Variants in NRXN3 observed in about 807,000 individuals in gnomAD.
NRXN3 encodes neurexin III.
In NRXN3, 32 loss-of-function variants were observed where a neutral mutation model predicts 137.6. That is an observed-to-expected ratio of 0.23 (90% CI 0.18 to 0.31). The LOEUF (loss-of-function observed/expected upper bound fraction) is 0.31. Ranked by LOEUF, NRXN3 falls within the 10% of genes least tolerant of loss-of-function variation. The pLI is 1.00. For synonymous variants in NRXN3, 798 were observed against 784.5 expected, an observed-to-expected ratio of 1.02 and a Z score of -0.29; for missense variants, 1,574 against 2,062.5, an observed-to-expected ratio of 0.76 and a Z score of 4.59.
Position 79,264,553 on chromosome 14 carries a change from T to TGC in NRXN3, c.3263-202667_3263-202666insCG, listed in dbSNP as rs2078154619. On this transcript the variant is annotated intron_variant, in intron 15 of 20. Transcript: ENST00000335750. ...GTGTGTGTGTGTGTGTGTGTGTGTG[T>TGC]GTGTGCGCGCGTGCATGTATGTCCC... Among the ~76,000 whole-genome samples, 3 of 149,430 alleles carry TGC rather than the reference T, an allele frequency of 2.0e-5. No individual in the cohort carries two copies. In the South Asian group the frequency reaches 6.6e-4, roughly 33 times the overall value.
At chr14:79,703,052 G>T (rs2098761515) in intron 19 of NRXN3, among the ~76,000 whole-genome samples, 1 of 151,998 alleles carries the variant, frequency 6.6e-6, no homozygotes, top group Non-Finnish European at 1.5e-5. Context: ...CCTTGACATT[G>T]GCAACTGCTG....
chr14:79,424,747 G>A (rs1167997624), intron 15 of NRXN3, among the ~76,000 whole-genome samples: 1 of 152,026 alleles, frequency 6.6e-6, no homozygotes, highest in East Asian at 1.9e-4. Context: ...TTTACAAAGG[G>A]GTATGTAAAA....
At chr14:78,259,005 G>A (rs2070185172) in intron 2 of NRXN3, among the ~76,000 whole-genome samples, 1 of 151,940 alleles carries the variant, frequency 6.6e-6, no homozygotes, top group Admixed American at 6.6e-5. Flanking sequence ...GGTGGCGGGT[G>A]CCTGTAATCC....
At chr14:79,844,046 C>T (rs1021673301) in intron 20 of NRXN3, among the ~76,000 whole-genome samples, 1 of 152,056 alleles carries the variant, frequency 6.6e-6, no homozygotes, top group Non-Finnish European at 1.5e-5. Context: ...AATGGCCTCG[C>T]ACTCCATCCA....
At chr14:78,774,948 G>T (rs2098740288) in intron 8 of NRXN3, among the ~76,000 whole-genome samples, 1 of 151,762 alleles carries the variant, frequency 6.6e-6, no homozygotes, top group Non-Finnish European at 1.5e-5. Flanking sequence ...AAAAATAGAG[G>T]TTAAATAACT....
chr14:78,794,674 T>C (rs2098815871), intron 8 of NRXN3, among the ~76,000 whole-genome samples: 1 of 151,960 alleles, frequency 6.6e-6, no homozygotes. Context: ...CCTAGAAATA[T>C]GCCTCTCTAC....
At chr14:78,418,671 A>G (rs2093281967) in intron 4 of NRXN3, among the ~76,000 whole-genome samples, 1 of 152,166 alleles carries the variant, frequency 6.6e-6, no homozygotes, top group African/African-American at 2.4e-5. Context: ...ATTTTCTTAC[A>G]TCCTTTTATT....
chr14:79,538,297 T>A (rs1258738996), intron 16 of NRXN3, among the ~76,000 whole-genome samples: 1 of 152,338 alleles, frequency 6.6e-6, no homozygotes, highest in Non-Finnish European at 1.5e-5. Flanking sequence ...TTTAGTTTAA[T>A]TAGATCCCAT....
intron 18 of NRXN3, among the ~76,000 whole-genome samples, chr14:79,693,479 AAAGTCCCTT>A (rs1266628642): frequency 6.6e-6 from 1 of 152,010 alleles, no homozygotes; most frequent in South Asian, 2.1e-4. Flanking sequence ...ATCAGCTCAT[AAAGTCCCTT>A]TAACATTAAA....
Position 79,092,223 on chromosome 14 carries a change from A to G in NRXN3, c.3262+104082A>G, listed in dbSNP as rs538991055. ...GGATCACAGTTGACTATTAGGATACAGGACTATTCTTTTCAGCAGAACTAA... is the reference window on the plus strand; with the variant it reads ...GGATCACAGTTGACTATTAGGATACGGGACTATTCTTTTCAGCAGAACTAA... On this transcript the variant is annotated intron_variant, in intron 15 of 20. Transcript: ENST00000335750. Among the ~76,000 whole-genome samples the G allele has an allele frequency of 2.0e-5, 3 of 152,352 alleles. No individual in the cohort carries two copies. In the East Asian group the frequency reaches 5.8e-4, roughly 29 times the overall value.
intron 10 of NRXN3, among the ~76,000 whole-genome samples, chr14:78,827,548 G>A (rs2098970386): frequency 6.6e-6 from 1 of 152,234 alleles, no homozygotes; most frequent in Non-Finnish European, 1.5e-5. Flanking sequence ...TTGGTTTCAA[G>A]TTAATCAGTG....
chr14:78,502,594 C>T (rs2095900240), intron 4 of NRXN3, among the ~76,000 whole-genome samples: 1 of 152,150 alleles, frequency 6.6e-6, no homozygotes, highest in Admixed American at 6.5e-5. Context: ...AATAATTTTA[C>T]ATTTGTTATA....
intron 15 of NRXN3, among the ~76,000 whole-genome samples, chr14:79,026,382 T>C (rs955894622): frequency 6.6e-6 from 1 of 152,106 alleles, no homozygotes; most frequent in African/African-American, 2.4e-5. Context: ...CACTGCCTCT[T>C]AGAGTTACTG....
At chr14:79,789,535 A>G (rs542058276) in intron 19 of NRXN3, among the ~76,000 whole-genome samples, 3 of 152,244 alleles carry the variant, frequency 2.0e-5, no homozygotes, top group Admixed American at 2.0e-4. Context: ...CTAGTTGCTC[A>G]TTTGTATGGT....
Position 78,427,852 on chromosome 14 carries a change from G to A in NRXN3, c.757+129992G>A, listed in dbSNP as rs1431640323. Among the ~76,000 whole-genome samples the A allele has an allele frequency of 8.5e-5, 13 of 152,322 alleles. No homozygotes were observed. The East Asian group carries it at 1.7e-3, about 20-fold the overall frequency. On this transcript the variant is annotated intron_variant, in intron 4 of 20. Coordinates refer to ENST00000335750, the MANE Select transcript of NRXN3 (RefSeq NM_001330195.2). ...TTTTCCCACCTCTACCCATTAGCCAGAGGCATTTCCTGACCTTCCACTGAA... is the reference window on the plus strand; with the variant it reads ...TTTTCCCACCTCTACCCATTAGCCAAAGGCATTTCCTGACCTTCCACTGAA...
intron 5 of NRXN3, among the ~76,000 whole-genome samples, chr14:78,650,725 CA>C (rs1274788691): frequency 6.6e-6 from 1 of 151,960 alleles, no homozygotes; most frequent in Non-Finnish European, 1.5e-5. Context: ...ATAAAACCAT[CA>C]ACAACCAAAG....
chr14:79,534,421 C>T (rs2097194445), intron 16 of NRXN3, among the ~76,000 whole-genome samples: 1 of 152,174 alleles, frequency 6.6e-6, no homozygotes, highest in African/African-American at 2.4e-5. Context: ...AAGCATCCAA[C>T]ACAGTGTCTG....
chr14:78,377,775 C>T (rs889558962), intron 4 of NRXN3, among the ~76,000 whole-genome samples: 3 of 152,238 alleles, frequency 2.0e-5, no homozygotes, highest in East Asian at 3.9e-4. Context: ...TACTGGTCAC[C>T]CTGATCACCT....
chr14:79,584,567 A>G (rs74068091), intron 16 of NRXN3, among the ~76,000 whole-genome samples: 2,900 of 152,302 alleles, frequency 0.019, 106 homozygotes, highest in African/African-American at 0.067. Context: ...TTAGAACCTT[A>G]TGGGACTTGG....
Sources: allele counts gnomAD v4.1 joint callset (sites outside exome capture counted in the v4.1 genomes callset), GRCh38; gene constraint gnomAD v4.1.1; transcripts MANE v1.5; gene names NCBI Gene and HGNC (gene_info 2026-07-23, HGNC 2026-07-21).